Variants in GPR158 observed in about 807,000 individuals in gnomAD.
GPR158 encodes the protein metabotropic glycine receptor.
A neutral mutation model predicts 78.2 loss-of-function variants in GPR158; 30 were observed. That is an observed-to-expected ratio of 0.38 (90% CI 0.29 to 0.52). The LOEUF (loss-of-function observed/expected upper bound fraction) is 0.52. Ranked by LOEUF, GPR158 falls within the 20% of genes least tolerant of loss-of-function variation. The pLI is 0.83. For missense variants in GPR158, 1,463 were observed against 1,523.5 expected, an observed-to-expected ratio of 0.96 and a Z score of 0.66; for synonymous variants, 581 against 591.1, an observed-to-expected ratio of 0.98 and a Z score of 0.25.
chr10:25,550,913 AT>A (rs1337480055), intron 5 of GPR158, 62 bp from the exon 6 acceptor site: 4 of 819,856 alleles, frequency 4.9e-6, no homozygotes. Context: ...GTTATGAGAT[AT>A]TGACTTGGGT....
intron 5 of GPR158, among the ~76,000 whole-genome samples, chr10:25,480,148 G>C (rs1244932260): frequency 6.6e-6 from 1 of 151,952 alleles, no homozygotes; most frequent in African/African-American, 2.4e-5. Context: ...AACATGTTTT[G>C]TATAATTTCT....
At chr10:25,363,020 A>AT (rs1855664215) in intron 2 of GPR158, among the ~76,000 whole-genome samples, 1 of 151,394 alleles carries the variant, frequency 6.6e-6, no homozygotes, top group East Asian at 2.0e-4. Context: ...TTTTTACATC[A>AT]TTTTTTTCTG....
intron 2 of GPR158, among the ~76,000 whole-genome samples, chr10:25,248,037 G>C (rs2130716504): frequency 6.6e-6 from 1 of 152,056 alleles, no homozygotes; most frequent in African/African-American, 2.4e-5. Flanking sequence ...ATCTCATTGT[G>C]GTTTTGATTT....
At chr10:25,411,933 CAAAAAAAAAAAAAAAAAAAAAAA>C (rs1164005677) in intron 3 of GPR158, among the ~76,000 whole-genome samples, 2 of 47,468 alleles carry the variant, frequency 4.2e-5, no homozygotes, top group African/African-American at 7.6e-5. Flanking sequence ...GACTCTATCA[CAAAAAAAAAAAAAAAAAAAAAAA>C]AAAAAAAAAA....
intron 4 of GPR158, among the ~76,000 whole-genome samples, chr10:25,434,337 T>A (rs1264258567): frequency 1.3e-5 from 2 of 152,224 alleles, no homozygotes; most frequent in Non-Finnish European, 2.9e-5. Flanking sequence ...CACATTCTCT[T>A]GAGGTACTTA....
At chr10:25,443,926 C>T (rs1037945883) in intron 4 of GPR158, among the ~76,000 whole-genome samples, 1 of 152,022 alleles carries the variant, frequency 6.6e-6, no homozygotes, top group Non-Finnish European at 1.5e-5. Flanking sequence ...TTTTCTATGT[C>T]CTATTGCAGT....
intron 5 of GPR158, among the ~76,000 whole-genome samples, chr10:25,484,136 C>T (rs866493667): frequency 6.6e-6 from 1 of 152,132 alleles, no homozygotes; most frequent in Non-Finnish European, 1.5e-5. Flanking sequence ...AGCCCTACCC[C>T]ACTGTTATCT....
intron 7 of GPR158, among the ~76,000 whole-genome samples, chr10:25,578,245 A>C (rs1273245029): frequency 1.3e-5 from 2 of 152,238 alleles, no homozygotes; most frequent in Non-Finnish European, 2.9e-5. Flanking sequence ...CGTGCTCCTC[A>C]GCAACATGGC....
intron 1 of GPR158, among the ~76,000 whole-genome samples, chr10:25,185,170 C>T (rs559241866): frequency 8.5e-5 from 13 of 152,230 alleles, no homozygotes; most frequent in Admixed American, 2.6e-4. Context: ...TGATACATAA[C>T]GTATAAAATG....
chr10:25,566,359 A>G (rs1836928829), intron 6 of GPR158, among the ~76,000 whole-genome samples: 1 of 152,130 alleles, frequency 6.6e-6, no homozygotes, highest in African/African-American at 2.4e-5. Flanking sequence ...TTCATCCCGG[A>G]CCGAAGTAAG....
intron 2 of GPR158, among the ~76,000 whole-genome samples, chr10:25,336,737 A>G (rs1460209604): frequency 6.6e-6 from 1 of 152,096 alleles, no homozygotes; most frequent in Non-Finnish European, 1.5e-5. Flanking sequence ...ACTAAGTCTC[A>G]AGCTTTGAGA....
At chr10:25,349,393 A>G (rs1167610710) in intron 2 of GPR158, among the ~76,000 whole-genome samples, 1 of 147,912 alleles carries the variant, frequency 6.8e-6, no homozygotes, top group African/African-American at 2.7e-5. Context: ...CTTTTCCCAT[A>G]TGATATGGTT....
At chr10:25,357,338 TGAG>T (rs765403376) in intron 2 of GPR158, among the ~76,000 whole-genome samples, 19 of 152,242 alleles carry the variant, frequency 1.2e-4, no homozygotes, top group Non-Finnish European at 2.6e-4. Context: ...GCATAAGTAA[TGAG>T]GAGCCAAATG....
intron 6 of GPR158, among the ~76,000 whole-genome samples, chr10:25,559,313 TACTTTTGGCCTATTTTTGTCTTTA>T (rs1427269290): frequency 6.6e-6 from 1 of 152,236 alleles, no homozygotes; most frequent in African/African-American, 2.4e-5. Context: ...TCCATTATTT[TACTTTTGGCCTATTTTTGTCTTTA>T]TAGTAAGTAT....
chr10:25,480,963 A>G (rs1036583677), intron 5 of GPR158, among the ~76,000 whole-genome samples: 3 of 152,190 alleles, frequency 2.0e-5, no homozygotes, highest in African/African-American at 7.2e-5. Flanking sequence ...TATTTCTGCC[A>G]AGATAGCCAC....
At chr10:25,220,502 T>C (rs1314714772) in intron 1 of GPR158, among the ~76,000 whole-genome samples, 2 of 152,242 alleles carry the variant, frequency 1.3e-5, no homozygotes, top group South Asian at 2.1e-4. Flanking sequence ...TCATCATTTC[T>C]GTAGTGAGGC....
intron 6 of GPR158, among the ~76,000 whole-genome samples, chr10:25,567,028 G>A (rs146621869): frequency 1.0e-3 from 153 of 152,242 alleles, no homozygotes; most frequent in Non-Finnish European, 1.9e-3. Context: ...TACGAACATG[G>A]TAAGATTAAT....
intron 4 of GPR158, among the ~76,000 whole-genome samples, chr10:25,434,499 A>G (rs1268001707): frequency 1.3e-5 from 2 of 152,216 alleles, no homozygotes; most frequent in Non-Finnish European, 2.9e-5. Context: ...AATTTTCACT[A>G]AATCCCATCA....
At chr10:25,234,735 G>A (rs1853498679) in intron 2 of GPR158, among the ~76,000 whole-genome samples, 1 of 152,150 alleles carries the variant, frequency 6.6e-6, no homozygotes, top group Admixed American at 6.5e-5. Flanking sequence ...TTACCAGTTA[G>A]ATGGCTTATT....
Sources: gnomAD v4.1 joint callset for allele counts (sites outside exome capture counted in the v4.1 genomes callset) on GRCh38, gnomAD v4.1.1 for gene constraint, MANE v1.5 for transcripts, NCBI Gene and HGNC (gene_info 2026-07-23, HGNC 2026-07-21) for gene names.